The following SLC16A6 variants were observed in gnomAD, a reference collection of about 807,000 sequenced individuals.
SLC16A6 encodes the protein solute carrier family 16 member 6, also known as monocarboxylate transporter 7.
A neutral mutation model predicts 33.8 loss-of-function variants in SLC16A6; 15 were observed. The observed-to-expected ratio is 0.44, with a 90% confidence interval of 0.30 to 0.68. The LOEUF is 0.68. Among genes scored for constraint, SLC16A6 ranks in the 30% least tolerant of loss-of-function variants. The pLI, the probability that SLC16A6 is intolerant of heterozygous loss-of-function variation, is 0.10. For synonymous variants in SLC16A6, 219 were observed against 248.4 expected (o/e 0.88, Z 1.11); for missense variants, 451 against 661.5 (o/e 0.68, Z 3.49).
intron 2 of SLC16A6, among the ~76,000 whole-genome samples, chr17:68,276,367 C>A (rs1345467596): frequency 6.6e-6 from 1 of 152,150 alleles, no homozygotes; most frequent in Non-Finnish European, 1.5e-5. Context: ...TTAATTTCAG[C>A]AATAACTTCA....
chr17:68,286,773 G>A (rs111384234), intron 1 of SLC16A6, among the ~76,000 whole-genome samples: 2,344 of 151,438 alleles, frequency 0.015, 57 homozygotes, highest in African/African-American at 0.054. Flanking sequence ...CCAAAGTGTG[G>A]GATTACAGGT....
At chr17:68,276,125 G>A (rs2075510337) in intron 2 of SLC16A6, among the ~76,000 whole-genome samples, 1 of 151,456 alleles carries the variant, frequency 6.6e-6, no homozygotes. Flanking sequence ...ACAGAGTCTT[G>A]CTCTGTCTCC....
chr17:68,274,012 C>A lies in SLC16A6; in HGVS notation c.291G>T (p.Gly97=). Residue 97 remains glycine, a synonymous_variant, in exon 3 of 6, where the codon GGG becomes GGT. Transcript: ENST00000580666. The part of the protein sequence containing the change: ...RFGHRLVVML[G]GLLVSTGMVA... ...CCATCCCGGTGCTGACAAGTAGCCC[C>A]CCCAACATCACTACCAGACGGTGTC... is the stretch of plus-strand genomic sequence containing the variant. 6.2e-7 allele frequency: 1 copy of A among 1,614,144 alleles called. No homozygotes were observed. The highest frequency in any genetic ancestry group is 1.1e-5 in the South Asian group (1 of 91,080).
At chr17:68,289,348 G>C (rs1443504546) in intron 1 of SLC16A6, among the ~76,000 whole-genome samples, 3 of 152,102 alleles carry the variant, frequency 2.0e-5, no homozygotes, top group Admixed American at 2.0e-4. Flanking sequence ...GCTATCCTTG[G>C]GAGTTTCACT....
At position 68,290,810 on chromosome 17, in the gene SLC16A6, G is replaced by A. The variant is rs1463566941; in HGVS notation, c.-8+276C>T. Among the ~76,000 whole-genome samples, 5 of 152,232 alleles carry A rather than the reference G, an allele frequency of 3.3e-5. No homozygotes were observed. The East Asian group carries it at 7.7e-4, about 23-fold the overall frequency. On this transcript the variant is annotated intron_variant, in intron 1 of 5. Transcript: ENST00000580666. ...GGCAGGGGGCACTCAAAGGCCAGGC[G>A]TGCCTTTAGGTATCTTCCGGGACCC...
At chr17:68,270,660 T>C (rs2075309428) in intron 5 of SLC16A6, among the ~76,000 whole-genome samples, 179 bp downstream of exon 5, 1 of 152,124 alleles carries the variant, frequency 6.6e-6, no homozygotes, top group Non-Finnish European at 1.5e-5. Context: ...TTCTTTGGCC[T>C]TCAGTTTCCT....
chr17:68,279,441 C>A (rs1393767733), intron 1 of SLC16A6, among the ~76,000 whole-genome samples: 1 of 152,118 alleles, frequency 6.6e-6, no homozygotes, highest in Non-Finnish European at 1.5e-5. Context: ...ATTCTGTCTT[C>A]TGGGAGTTTG....
chr17:68,277,940 T>A, intron 2 of SLC16A6, 149 bp downstream of exon 2: 1 of 605,064 alleles, frequency 1.7e-6, no homozygotes, highest in Non-Finnish European at 2.9e-6. Context: ...TCCTCAATGC[T>A]CTGAAAACCC....
Position 68,278,207 on chromosome 17 carries a change from G to C in SLC16A6, c.114C>G (p.Thr38=). The C allele has an allele frequency of 6.2e-7, 1 of 1,614,134 alleles. No homozygotes were observed. Among genetic ancestry groups the C allele is most frequent in the Non-Finnish European group, 8.5e-7 (1 of 1,179,980 alleles). The change falls in exon 2 of 6, where the codon ACC becomes ACG. Residue 38 remains threonine (T), a synonymous_variant. Transcript: ENST00000580666. ...AVSFFFVEVF[T]YGIIKTFGVF... ...CACCAAATGTCTTGATGATGCCGTAGGTGAAGACTTCAACGAAGAAAAATG... is the reference window on the plus strand; with the variant it reads ...CACCAAATGTCTTGATGATGCCGTACGTGAAGACTTCAACGAAGAAAAATG...
At chr17:68,288,997 T>A (rs1390309750) in intron 1 of SLC16A6, among the ~76,000 whole-genome samples, 1 of 152,118 alleles carries the variant, frequency 6.6e-6, no homozygotes, top group African/African-American at 2.4e-5. Context: ...AATGACACAA[T>A]CCACGGGCAG....
At chr17:68,289,244 G>A (rs2075911208) in intron 1 of SLC16A6, among the ~76,000 whole-genome samples, 1 of 152,134 alleles carries the variant, frequency 6.6e-6, no homozygotes, top group African/African-American at 2.4e-5. Flanking sequence ...GCTGCAATGA[G>A]CAGAGATGAC....
Position 68,268,671 on chromosome 17 carries a change from GGAGAGTAGTTTATT to G in SLC16A6, c.*411_*424del, listed in dbSNP as rs1555747231. 1.9e-5 allele frequency: 3 copies of G among 158,002 alleles called. No homozygotes were observed. The highest frequency in any genetic ancestry group is 6.0e-5 in the Admixed American group (1 of 16,546). The allele number at this position is 158,002 out of a possible 1,614,324, so 9.8% of individuals were successfully genotyped here. A position where few individuals can be genotyped will look rare whatever the true frequency, so the allele number is the denominator to read the frequency against. The stretch of plus-strand genomic sequence containing the variant: ...CCTGGGTTGGATGTTGTTTTATTCA[GGAGAGTAGTTTATT>G]CAGACAAGACCATAGGAAGAAAGAA... On this transcript the variant is annotated 3_prime_UTR_variant, in exon 6 of 6. Transcript: ENST00000580666.
chr17:68,290,581 G>C (rs1272986309), intron 1 of SLC16A6, among the ~76,000 whole-genome samples: 1 of 152,246 alleles, frequency 6.6e-6, no homozygotes, highest in Non-Finnish European at 1.5e-5. Flanking sequence ...GGAGTGCTGT[G>C]TTTGGGGGTC....
chr17:68,289,405 A>T (rs1425100594), intron 1 of SLC16A6, among the ~76,000 whole-genome samples: 1 of 152,180 alleles, frequency 6.6e-6, no homozygotes, highest in Non-Finnish European at 1.5e-5. Flanking sequence ...GCATGAAAAA[A>T]ATTGTATTAT....
chr17:68,275,824 A>G (rs1555750711), intron 2 of SLC16A6, among the ~76,000 whole-genome samples: 2 of 151,912 alleles, frequency 1.3e-5, no homozygotes, highest in African/African-American at 2.4e-5. Context: ...TACTATAAAA[A>G]TACAAAAAAT....
At chr17:68,272,819 T>C in intron 3 of SLC16A6, 52 bp from the exon 4 acceptor site, 3 of 1,601,278 alleles carry the variant, frequency 1.9e-6, no homozygotes, top group Non-Finnish European at 1.7e-6. Flanking sequence ...TGCTTGAGAC[T>C]GGAAGGATGC....
intron 1 of SLC16A6, among the ~76,000 whole-genome samples, chr17:68,280,480 A>G (rs2075659651): frequency 6.6e-6 from 1 of 152,228 alleles, no homozygotes; most frequent in East Asian, 1.9e-4. Context: ...CCCTGAAATT[A>G]ATCCACATGT....
At chr17:68,283,870 C>G (rs1302460109) in intron 1 of SLC16A6, among the ~76,000 whole-genome samples, 1 of 117,524 alleles carries the variant, frequency 8.5e-6, no homozygotes, top group African/African-American at 3.0e-5. Flanking sequence ...AAGAGCAAAA[C>G]TCCGTCTCAA....
rs1555748963 is a variant in SLC16A6, at chr17:68,271,701, G to A, written c.506-47C>T. 1 of 1,472,916 alleles carries A rather than the reference G, an allele frequency of 6.8e-7. No individual in the cohort carries two copies. The highest frequency in any genetic ancestry group is 2.3e-5 in the East Asian group (1 of 43,530). The allele number at this position is 1,472,916 out of a possible 1,614,324, so 91.2% of individuals were successfully genotyped here. ...AAGAAATAATATAAGGTCAATAATG[G>A]ACTCAAGACCCAGGAGAAGCCATCA... On this transcript the variant is annotated intron_variant, in intron 4 of 5. Transcript: ENST00000580666. The surrounding 1 kb of genome is among the most constrained non-coding windows in gnomAD (Gnocchi z 5.3).
Sources: gnomAD v4.1 joint callset for allele counts (sites outside exome capture counted in the v4.1 genomes callset) on GRCh38, gnomAD v4.1.1 for gene constraint, Gnocchi (gnomAD v3.1) non-coding constraint, MANE v1.5 for transcripts, NCBI Gene and HGNC (gene_info 2026-07-23, HGNC 2026-07-21) for gene names.